The following SLC24A4 variants were observed in gnomAD, a reference collection of about 807,000 sequenced individuals.
SLC24A4 encodes sodium/potassium/calcium exchanger 4.
Under a neutral mutation model 79.0 loss-of-function variants are expected in SLC24A4, and 53 were observed. The ratio of observed to expected loss-of-function variants is 0.67; its 90% CI spans 0.54 to 0.84. SLC24A4 has a LOEUF of 0.84. Ranked by LOEUF, SLC24A4 falls within the 40% of genes least tolerant of loss-of-function variation. The pLI is 0.00. For missense variants in SLC24A4, 731 were observed against 822.0 expected, an observed-to-expected ratio of 0.89 and a Z score of 1.35; for synonymous variants, 323 against 323.8, an observed-to-expected ratio of 1.00 and a Z score of 0.03.
chr14:92,465,393 G>A (rs941648), intron 12 of SLC24A4, among the ~76,000 whole-genome samples: 106,679 of 152,034 alleles, frequency 0.7, 37,947 homozygotes, highest in Non-Finnish European at 0.76. Context: ...TTAACTTCAG[G>A]TCATCTTTAG....
rs1174377104 is a variant in SLC24A4 at position 92,495,400 on chromosome 14, A to G, written c.*1772A>G. The stretch of plus-strand genomic sequence containing the variant: ...GGCTTCTCTTTTTGTTTTTTTACCT[A>G]GAAATTGGGCTCAGTGGTCTTCAAC... On this transcript the variant is annotated 3_prime_UTR_variant, in exon 17 of 17. Coordinates refer to ENST00000532405, the MANE Select transcript of SLC24A4 (RefSeq NM_153646.4). 6.6e-6 allele frequency: 1 copy of G among 152,154 alleles called. No individual in the cohort carries two copies. The allele number at this position is 152,154 out of a possible 1,614,324, so 9.4% of individuals were successfully genotyped here.
At chr14:92,343,580 T>TTTTC (rs376436087) in intron 2 of SLC24A4, among the ~76,000 whole-genome samples, 13,199 of 85,776 alleles carry the variant, frequency 0.15, 1,957 homozygotes, top group East Asian at 0.21. Flanking sequence ...TTAATTACTG[T>TTTTC]TTTCTTTCTT....
At chr14:92,392,693 C>T (rs1269157433) in intron 2 of SLC24A4, among the ~76,000 whole-genome samples, 1 of 152,198 alleles carries the variant, frequency 6.6e-6, no homozygotes, top group Non-Finnish European at 1.5e-5. Flanking sequence ...ATCTTTATCT[C>T]CAGTGTGACA....
intron 2 of SLC24A4, among the ~76,000 whole-genome samples, chr14:92,421,975 G>C (rs534959803): frequency 4.6e-5 from 7 of 152,354 alleles, no homozygotes; most frequent in African/African-American, 1.7e-4. Flanking sequence ...CTTCCATCCA[G>C]TTCTTTTCAT....
chr14:92,367,142 G>A (rs1378957419), intron 2 of SLC24A4, among the ~76,000 whole-genome samples: 1 of 152,212 alleles, frequency 6.6e-6, no homozygotes. Flanking sequence ...AGGAAAAAGT[G>A]CCTTGCCCGT....
chr14:92,484,724 A>T (rs578065066), intron 13 of SLC24A4: 2 of 985,378 alleles, frequency 2.0e-6, no homozygotes, highest in South Asian at 9.4e-5. Context: ...AACCTCATTC[A>T]TGTCCCTCCT....
intron 4 of SLC24A4, among the ~76,000 whole-genome samples, chr14:92,440,232 C>T (rs930622806): frequency 1.3e-5 from 2 of 152,138 alleles, no homozygotes; most frequent in Non-Finnish European, 2.9e-5. Flanking sequence ...ACCTGGCAAA[C>T]GTGTGCAAAG....
At position 92,492,324 on chromosome 14, in the gene SLC24A4, C is replaced by T. The variant is rs111799864; in HGVS notation, c.1716+84C>T. 3.4e-5 allele frequency: 43 copies of T among 1,263,974 alleles called. 1 individual carries two copies. The highest frequency in any genetic ancestry group is 3.1e-4 in the African/African-American group (21 of 67,614). The allele number at this position is 1,263,974 out of a possible 1,614,324, so 78.3% of individuals were successfully genotyped here. On this transcript the variant is annotated intron_variant, in intron 16 of 16. Transcript: ENST00000532405. ...GCCTCGTCACTTACGTGACTCTGTA[C>T]ACCCCTGTCACTTCCCTTGGTAGTG...
chr14:92,340,962 G>T (rs1042958678), intron 2 of SLC24A4, among the ~76,000 whole-genome samples: 2 of 152,236 alleles, frequency 1.3e-5, no homozygotes, highest in African/African-American at 4.8e-5. Flanking sequence ...CATGCAAAAG[G>T]GAAGAGTCGG....
At position 92,499,190 on chromosome 14, in the gene SLC24A4, C is replaced by G. The variant is rs1226657353; in HGVS notation, c.*5562C>G. 2 of 152,256 alleles carry G rather than the reference C, an allele frequency of 1.3e-5. No individual in the cohort carries two copies. Among genetic ancestry groups the G allele is most frequent in the Admixed American group, 6.5e-5 (1 of 15,270 alleles). The allele number at this position is 152,256 out of a possible 1,614,324, so 9.4% of individuals were successfully genotyped here. ...CTTTCACCTGCATGTTTCTAAGGCT[C>G]TTTATTCAATCTCACGGTGTCAGTG... On this transcript the variant is annotated 3_prime_UTR_variant, in exon 17 of 17. Coordinates refer to ENST00000532405, the MANE Select transcript of SLC24A4 (RefSeq NM_153646.4).
intron 2 of SLC24A4, among the ~76,000 whole-genome samples, chr14:92,400,707 G>T (rs1442771244): frequency 6.6e-6 from 1 of 152,192 alleles, no homozygotes; most frequent in African/African-American, 2.4e-5. Flanking sequence ...TAGCTGCAAT[G>T]ATAGGAAGTT....
At chr14:92,492,386 A>T in intron 16 of SLC24A4, 146 bp downstream of exon 16, 1 of 740,792 alleles carries the variant, frequency 1.3e-6, no homozygotes, top group Non-Finnish European at 2.2e-6. Context: ...GTTCATAGAC[A>T]CACCCAAGTC....
At chr14:92,390,769 C>A (rs917987731) in intron 2 of SLC24A4, among the ~76,000 whole-genome samples, 9 of 152,152 alleles carry the variant, frequency 5.9e-5, no homozygotes, top group Non-Finnish European at 1.2e-4. Flanking sequence ...CATTCCGATT[C>A]CTATTTTAGG....
chr14:92,412,449 C>T (rs1456017996), intron 2 of SLC24A4, among the ~76,000 whole-genome samples: 2 of 152,190 alleles, frequency 1.3e-5, no homozygotes, highest in South Asian at 2.1e-4. Context: ...ACCCTGTCAA[C>T]GCCCCGCACT....
At position 92,500,595 on chromosome 14, in the gene SLC24A4, C is replaced by T. The variant is rs998266875; in HGVS notation, c.*6967C>T. 3.9e-5 allele frequency: 6 copies of T among 152,356 alleles called. No individual in the cohort carries two copies. Among genetic ancestry groups the T allele is most frequent in the Non-Finnish European group, 8.8e-5 (6 of 68,138 alleles). The allele number at this position is 152,356 out of a possible 1,614,324, so 9.4% of individuals were successfully genotyped here. A position where few individuals can be genotyped will look rare whatever the true frequency, so the allele number is the denominator to read the frequency against. On this transcript the variant is annotated 3_prime_UTR_variant, in exon 17 of 17. Coordinates refer to ENST00000532405, the MANE Select transcript of SLC24A4 (RefSeq NM_153646.4). ...CCCTCTAAGCTGCAGACCCCATGACCACACTGTCTGCTTCCTTGAGCTTCC... is the reference window on the plus strand; with the variant it reads ...CCCTCTAAGCTGCAGACCCCATGACTACACTGTCTGCTTCCTTGAGCTTCC...
At position 92,493,614 on chromosome 14, in the gene SLC24A4, C is replaced by A. The variant is rs754498050; in HGVS notation, c.1855C>A (p.Arg619=). 1 of 1,614,140 alleles carries A rather than the reference C, an allele frequency of 6.2e-7. No individual in the cohort carries two copies. The highest frequency in any genetic ancestry group is 8.5e-7 in the Non-Finnish European group (1 of 1,180,004). Residue 619 remains arginine, a synonymous_variant, in exon 17 of 17, where the codon CGG becomes AGG. Coordinates refer to ENST00000532405, the MANE Select transcript of SLC24A4 (RefSeq NM_153646.4). ...VFTFVNLPMC[R]EDD ...TACCTTCGTCAACTTGCCGATGTGC[C>A]GGGAAGACGATTAGCGCTGAGTCGC...
At position 92,444,199 on chromosome 14, in the gene SLC24A4, C is replaced by T. The variant is rs979889360; in HGVS notation, c.657+725C>T. Reference sequence around the variant, plus strand: ...GGATACATGATTTCAAAAAGGTCAACATATGCCCTAACTATAATACAAAGG... The same window carrying T: ...GGATACATGATTTCAAAAAGGTCAATATATGCCCTAACTATAATACAAAGG... On this transcript the variant is annotated intron_variant, in intron 7 of 16. Transcript: ENST00000532405. 3.3e-5 allele frequency among the ~76,000 whole-genome samples: 5 copies of T among 152,218 alleles called. No homozygotes were observed. The East Asian group carries it at 9.7e-4, about 29-fold the overall frequency.
chr14:92,326,510 G>A (rs1345300142), intron 2 of SLC24A4, among the ~76,000 whole-genome samples: 2 of 152,124 alleles, frequency 1.3e-5, no homozygotes, highest in Admixed American at 6.5e-5. Flanking sequence ...TGCTTGCCCC[G>A]TTTTGATGTT....
chr14:92,357,390 A>G (rs1595158387), intron 2 of SLC24A4, among the ~76,000 whole-genome samples: 1 of 152,218 alleles, frequency 6.6e-6, no homozygotes. Context: ...ATATTTGTAC[A>G]CCCAGGCACA....
Sources: allele counts gnomAD v4.1 joint callset (sites outside exome capture counted in the v4.1 genomes callset), GRCh38; gene constraint gnomAD v4.1.1; transcripts MANE v1.5; gene names NCBI Gene and HGNC (gene_info 2026-07-23, HGNC 2026-07-21).